Variants in MYLK3 observed in about 807,000 individuals in gnomAD.
The protein encoded by MYLK3 is MLC kinase.
In MYLK3, 55 loss-of-function variants were observed where a neutral mutation model predicts 76.3. That is an observed-to-expected ratio of 0.72 (90% confidence interval 0.58 to 0.90). The LOEUF is 0.90. Ranked by LOEUF, MYLK3 falls within the 40% of genes least tolerant of loss-of-function variation. The probability of loss-of-function intolerance (pLI) is 0.00; values close to 1 mark genes in which losing one functional copy is unlikely to be tolerated. For synonymous variants in MYLK3, 416 were observed against 425.4 expected, an observed-to-expected ratio of 0.98 and a Z score of 0.27; for missense variants, 973 against 1,053.6, an observed-to-expected ratio of 0.92 and a Z score of 1.06.
Position 46,737,780 on chromosome 16 carries a change from T to A in MYLK3, c.932A>T (p.Gln311Leu). Reference sequence around the variant, plus strand: ...TGGCAGCCCTGGAGGCCCTGGGCACTGAGGGCCAGGCCCTGGAGTCAGCCT... The same window carrying A: ...TGGCAGCCCTGGAGGCCCTGGGCACAGAGGGCCAGGCCCTGGAGTCAGCCT... ...GTRLTPGPGP[Q>L]CPGPPGLPAQ... Residue 311 changes from glutamine (Q) to leucine (L), a missense_variant, in exon 3 of 13, where the codon CAG becomes CTG. Physicochemically the swap from Gln to Leu is moderately radical, Grantham distance 113 (BLOSUM62 -2). Coordinates refer to ENST00000394809, the MANE Select transcript of MYLK3 (RefSeq NM_182493.3). The A allele has an allele frequency of 6.2e-7, 1 of 1,611,884 alleles. No homozygotes were observed. The highest frequency in any genetic ancestry group is 8.5e-7 in the Non-Finnish European group (1 of 1,179,854).
At chr16:46,745,041 T>G (rs1336465816) in intron 1 of MYLK3, among the ~76,000 whole-genome samples, 1 of 152,056 alleles carries the variant, frequency 6.6e-6, no homozygotes, top group African/African-American at 2.4e-5. Flanking sequence ...CACAATAATT[T>G]CCCGTTTTCA....
intron 9 of MYLK3, among the ~76,000 whole-genome samples, chr16:46,718,826 C>T (rs1333147676): frequency 6.6e-6 from 1 of 151,376 alleles, no homozygotes; most frequent in Non-Finnish European, 1.5e-5. Context: ...ATTAGCCAGG[C>T]GTGGTGGCAG....
intron 6 of MYLK3, 43 bp downstream of exon 6, chr16:46,729,551 C>A: frequency 6.3e-7 from 1 of 1,576,082 alleles, no homozygotes. Context: ...GGAAAGGAAT[C>A]CTGAGGCTGG....
At chr16:46,740,224 TC>T in intron 1 of MYLK3, 77 bp from the exon 2 acceptor site, 1 of 1,154,870 alleles carries the variant, frequency 8.7e-7, no homozygotes, top group Non-Finnish European at 1.3e-6. Flanking sequence ...GTTTAGCACC[TC>T]CCCCTTGTTT....
At chr16:46,758,676 A>T (rs1356344286) in intron 1 of MYLK3, among the ~76,000 whole-genome samples, 4 of 152,180 alleles carry the variant, frequency 2.6e-5, no homozygotes, top group Non-Finnish European at 5.9e-5. Flanking sequence ...TATTTTGTAG[A>T]TGGAGATTCT....
rs557600534 is a variant in MYLK3, at chr16:46,745,443, A to T, written c.477+2274T>A. ...GCCAGGACAATGTGAATAACATTTG[A>T]ATTAAAATAAAACAATTCTGCCAGG... On this transcript the variant is annotated intron_variant, in intron 1 of 12. Coordinates refer to ENST00000394809, the MANE Select transcript of MYLK3 (RefSeq NM_182493.3). Among the ~76,000 whole-genome samples the T allele has an allele frequency of 5.9e-5, 9 of 152,306 alleles. No individual in the cohort carries two copies. In the South Asian group the frequency reaches 1.9e-3, roughly 32 times the overall value.
At chr16:46,752,076 C>T (rs1967132898), upstream of MYLK3, among the ~76,000 whole-genome samples, 1 of 152,096 alleles carries the variant, frequency 6.6e-6, no homozygotes, top group African/African-American at 2.4e-5. Context: ...TGGGTAAGGA[C>T]AGGGCAGCGG....
At chr16:46,744,330 C>CTT (rs71158891) in intron 1 of MYLK3, among the ~76,000 whole-genome samples, 28,183 of 43,586 alleles carry the variant, frequency 0.65, 12,188 homozygotes, top group South Asian at 0.78. Flanking sequence ...CCACACCCAG[C>CTT]TTTTTTTTTT....
intron 11 of MYLK3, 106 bp from the exon 12 acceptor site, chr16:46,709,777 A>G (rs752593014): frequency 7.9e-7 from 1 of 1,263,868 alleles, no homozygotes; most frequent in Non-Finnish European, 1.1e-6. Flanking sequence ...CAGATTAATC[A>G]TTTAGGCAGA....
At chr16:46,745,328 A>C (rs1967003745) in intron 1 of MYLK3, among the ~76,000 whole-genome samples, 1 of 152,274 alleles carries the variant, frequency 6.6e-6, no homozygotes, top group Non-Finnish European at 1.5e-5. Context: ...CTGAAGACAC[A>C]GCCCCCAAAG....
chr16:46,756,736 C>T (rs1967205568), intron 1 of MYLK3, among the ~76,000 whole-genome samples: 1 of 152,230 alleles, frequency 6.6e-6, no homozygotes, highest in Non-Finnish European at 1.5e-5. Flanking sequence ...CACTTAGCCT[C>T]TGTGAACACA....
At position 46,709,636 on chromosome 16, in the gene MYLK3, T is replaced by G. The variant is rs113145242; in HGVS notation, c.2303A>C (p.Glu768Ala). ...TTTGGCAGGCAAATTATTCAGCCAC[T>G]CGTGTTTCAGGCACTGTGTGGCACT... ...RMSATQCLKH[E>A]WLNNLPAKAS... The change falls in exon 12 of 13, where the codon GAG (glutamate) becomes GCG (alanine). Residue 768 changes from glutamate (E) to alanine (A), a missense_variant. By Grantham distance (107) the Glu-to-Ala change is moderately radical. Coordinates refer to ENST00000394809, the MANE Select transcript of MYLK3 (RefSeq NM_182493.3). 206 of 1,614,178 alleles carry G rather than the reference T, an allele frequency of 1.3e-4. 4 individuals are homozygous for G. The African/African-American group carries it at 1.8e-3, about 14-fold the overall frequency.
chr16:46,734,835 G>A (rs1003563743), intron 3 of MYLK3, among the ~76,000 whole-genome samples: 1 of 152,066 alleles, frequency 6.6e-6, no homozygotes, highest in Non-Finnish European at 1.5e-5. Context: ...ACTACTGAGT[G>A]TACACTTTTA....
At position 46,737,815 on chromosome 16, in the gene MYLK3, C is replaced by T. The variant is rs1966876970; in HGVS notation, c.897G>A (p.Glu299=). ...GCCCTGGAGTCAGCCTCGTGCCTTC[C>T]TCTAAGGGCTCAGGGTCAGGCCTGC... ...SSSRPDPEPL[E]EGTRLTPGPG... Residue 299 remains glutamate, a synonymous_variant, in exon 3 of 13, where the codon GAG becomes GAA. Coordinates refer to ENST00000394809, the MANE Select transcript of MYLK3 (RefSeq NM_182493.3). The T allele has an allele frequency of 6.2e-7, 1 of 1,613,128 alleles. No individual in the cohort carries two copies. Among genetic ancestry groups the T allele is most frequent in the Non-Finnish European group, 8.5e-7 (1 of 1,180,042 alleles).
chr16:46,712,440 C>T (rs1966693832), intron 10 of MYLK3, among the ~76,000 whole-genome samples: 1 of 152,040 alleles, frequency 6.6e-6, no homozygotes, highest in Non-Finnish European at 1.5e-5. Flanking sequence ...GGAAATACGA[C>T]TGCCTTGTAA....
rs766842779 is a variant in MYLK3 at position 46,740,120 on chromosome 16, C to T, written c.505G>A (p.Gly169Arg). ...ENKERVEEEG[G>R]KPKHVLSTSG... is the part of the protein sequence containing the mutation. The stretch of plus-strand genomic sequence containing the variant: ...GTGCTCAGCACATGCTTTGGTTTTC[C>T]TCCCTCTTCTTCCACTCGCTCTTTA... Residue 169 changes from glycine (G) to arginine (R), a missense_variant, in exon 2 of 13, where the codon GGA (glycine) becomes AGA (arginine). By Grantham distance (125) the Gly-to-Arg change is moderately radical. Coordinates refer to ENST00000394809, the MANE Select transcript of MYLK3 (RefSeq NM_182493.3). The T allele has an allele frequency of 5.6e-6, 9 of 1,613,688 alleles. No individual in the cohort carries two copies. In the Admixed American group the frequency reaches 1.5e-4, roughly 27 times the overall value.
intron 9 of MYLK3, among the ~76,000 whole-genome samples, chr16:46,713,999 G>C (rs1167038425): frequency 2.0e-5 from 3 of 152,198 alleles, no homozygotes; most frequent in Admixed American, 2.0e-4. Context: ...TAACTTTTAT[G>C]TTATGTATTT....
intron 9 of MYLK3, among the ~76,000 whole-genome samples, chr16:46,713,050 A>C (rs1966700461): frequency 6.6e-6 from 1 of 152,154 alleles, no homozygotes; most frequent in Admixed American, 6.5e-5. Context: ...TGAAACAGAA[A>C]TTAGGAAGGG....
chr16:46,708,914 G>A (rs1966654397), intron 12 of MYLK3, among the ~76,000 whole-genome samples: 2 of 152,214 alleles, frequency 1.3e-5, no homozygotes, highest in African/African-American at 2.4e-5. Flanking sequence ...GCTCTAAGCA[G>A]TTAGTTCAGG....
Sources: allele counts gnomAD v4.1 joint callset (sites outside exome capture counted in the v4.1 genomes callset), GRCh38; gene constraint gnomAD v4.1.1; transcripts MANE v1.5; gene names NCBI Gene and HGNC (gene_info 2026-07-23, HGNC 2026-07-21).